The following CACNA2D2 variants were observed in gnomAD, a reference collection of about 807,000 sequenced individuals.
The protein encoded by CACNA2D2 is calcium voltage-gated channel auxiliary subunit alpha2delta 2.
Under a neutral mutation model 166.4 loss-of-function variants are expected in CACNA2D2, and 48 were observed. The observed-to-expected ratio is 0.29, with a 90% CI of 0.23 to 0.37. CACNA2D2 has a LOEUF of 0.37. CACNA2D2 is among the 10% of genes least tolerant of loss of function. The pLI is 1.00. For synonymous variants in CACNA2D2, 561 were observed against 573.7 expected (o/e 0.98, Z 0.32); for missense variants, 1,122 against 1,433.0 (o/e 0.78, Z 3.50).
At chr3:50,484,134 G>A (rs1325290671) in intron 1 of CACNA2D2, among the ~76,000 whole-genome samples, 1 of 152,130 alleles carries the variant, frequency 6.6e-6, no homozygotes, top group Non-Finnish European at 1.5e-5. Flanking sequence ...GCTGATGGCA[G>A]CTCCCTCAGT....
chr3:50,363,121 T>C lies in CACNA2D2; in HGVS notation c.*1545A>G, dbSNP rs1704021929. 1 of 398,770 alleles carries C rather than the reference T, an allele frequency of 2.5e-6. No homozygotes were observed. The highest frequency in any genetic ancestry group is 4.4e-6 in the Non-Finnish European group (1 of 226,054). 24.7% of individuals were successfully genotyped at this position (398,770 alleles called of 1,614,324 possible). A position where few individuals can be genotyped will look rare whatever the true frequency, so the allele number is the denominator to read the frequency against. ...TTCTGTTTTTTAAACTTAAAATATA[T>C]ATTTTTCTGTATATGTTTATATTCT... On this transcript the variant is annotated 3_prime_UTR_variant, in exon 38 of 38. Coordinates refer to ENST00000424201, the MANE Select transcript of CACNA2D2 (RefSeq NM_006030.4).
At chr3:50,373,731 G>C (rs1466384065) in intron 22 of CACNA2D2, among the ~76,000 whole-genome samples, 1 of 139,910 alleles carries the variant, frequency 7.1e-6, no homozygotes, top group Non-Finnish European at 1.6e-5. Flanking sequence ...GAAGAGGAGG[G>C]AGAGAGGGAA....
intron 5 of CACNA2D2, 110 bp downstream of exon 5, chr3:50,387,458 G>A (rs1406800876): frequency 1.5e-5 from 14 of 906,644 alleles, no homozygotes; most frequent in Admixed American, 1.1e-4. Context: ...GTGTCACCAC[G>A]GCTCTGCAGG....
intron 2 of CACNA2D2, among the ~76,000 whole-genome samples, chr3:50,441,214 TC>T (rs1231462590): frequency 4.6e-5 from 7 of 151,958 alleles, no homozygotes; most frequent in Non-Finnish European, 7.4e-5. Flanking sequence ...AGAGGCAACT[TC>T]TAGGAGCTTT....
intron 4 of CACNA2D2, among the ~76,000 whole-genome samples, chr3:50,390,772 G>A (rs1270758017): frequency 1.3e-5 from 2 of 152,200 alleles, no homozygotes; most frequent in Non-Finnish European, 2.9e-5. Flanking sequence ...GCCCAAGAGA[G>A]GTGTGAGGAG....
chr3:50,365,915 A>T lies in CACNA2D2; in HGVS notation c.2863-53T>A. 1 of 1,612,090 alleles carries T rather than the reference A, an allele frequency of 6.2e-7. No homozygotes were observed. The highest frequency in any genetic ancestry group is 8.5e-7 in the Non-Finnish European group (1 of 1,179,518). ...CCACTGCTGCCCCTCGCCCTAGGTC[A>T]CCCCCAGCTTTATCAAATGTCAGAG... On this transcript the variant is annotated intron_variant, in intron 32 of 37. Transcript: ENST00000424201. The surrounding 1 kb of genome is among the most constrained non-coding windows in gnomAD (Gnocchi z 4.5).
In CACNA2D2 at chr3:50,364,710, G is replaced by A. The variant is rs746798469; in HGVS notation, c.3388C>T (p.Arg1130Trp). Residue 1130 changes from arginine to tryptophan, a missense_variant, in exon 38 of 38, where the codon CGG becomes TGG. Coordinates refer to ENST00000424201, the MANE Select transcript of CACNA2D2 (RefSeq NM_006030.4). ...TGGACGAGGACTTGAGGCTGCGGCC[G>A]GGGCGGCAGGCCCAGGAGGAGCAGC... ...QLLLLLGLPP[R>W]PQPQVLVHAS... is the part of the protein sequence containing the mutation. The A allele has an allele frequency of 2.6e-6, 4 of 1,546,588 alleles. No homozygotes were observed. The South Asian group carries it at 4.7e-5, about 18-fold the overall frequency.
At chr3:50,378,223 G>A in intron 14 of CACNA2D2, 61 bp downstream of exon 14, 1 of 1,555,606 alleles carries the variant, frequency 6.4e-7, no homozygotes, top group Non-Finnish European at 8.7e-7. Flanking sequence ...AGCAGCCCAT[G>A]GCACACAGCG....
chr3:50,484,197 C>G (rs1248766765), intron 1 of CACNA2D2, among the ~76,000 whole-genome samples: 1 of 152,174 alleles, frequency 6.6e-6, no homozygotes, highest in East Asian at 1.9e-4. Context: ...ACACCCACAT[C>G]CAATCTATCA....
chr3:50,392,534 C>T (rs1395694546), intron 4 of CACNA2D2, among the ~76,000 whole-genome samples: 2 of 152,206 alleles, frequency 1.3e-5, no homozygotes, highest in Non-Finnish European at 2.9e-5. Context: ...TGGTCACACC[C>T]ACAGCTGGGG....
chr3:50,439,164 G>C (rs1476494795), intron 2 of CACNA2D2, among the ~76,000 whole-genome samples: 10 of 152,150 alleles, frequency 6.6e-5, no homozygotes, highest in Non-Finnish European at 1.5e-4. Context: ...GGGAAAAGAG[G>C]CATAGGGATG....
chr3:50,379,095 C>T lies in CACNA2D2; in HGVS notation c.1257G>A (p.Arg419=), dbSNP rs1265073461. The T allele has an allele frequency of 1.2e-6, 2 of 1,613,626 alleles. No homozygotes were observed. The highest frequency in any genetic ancestry group is 8.5e-7 in the Non-Finnish European group (1 of 1,179,644). Residue 419 remains arginine (R), a synonymous_variant, in exon 12 of 38, where the codon CGG becomes CGA. Coordinates refer to ENST00000424201, the MANE Select transcript of CACNA2D2 (RefSeq NM_006030.4). This position sits in a 1 kb window ranked among gnomAD's most constrained non-coding sequence, Gnocchi z 6.5. ...CCCTGCCTCGGTTGAGCCTCACCGT[C>T]CGGTTTGGCCAATTGTACTTCTCAA... The part of the protein sequence containing the change: ...DVFEKYNWPN[R]TVRVFTFSVG...
At position 50,427,821 on chromosome 3, in the gene CACNA2D2, G is replaced by A. The variant is rs1299845152; in HGVS notation, c.405+6492C>T. On this transcript the variant is annotated intron_variant, in intron 3 of 37. Coordinates refer to ENST00000424201, the MANE Select transcript of CACNA2D2 (RefSeq NM_006030.4). This position sits in a 1 kb window ranked among gnomAD's most constrained non-coding sequence, Gnocchi z 4.7. ...CGTGTTCTGTTCCAGGCCAGGCCTT[G>A]GCAGTAGGCGACATCCATGGCCTGG... 1.3e-5 allele frequency among the ~76,000 whole-genome samples: 2 copies of A among 152,220 alleles called. No homozygotes were observed. The highest frequency in any genetic ancestry group is 4.8e-5 in the African/African-American group (2 of 41,450).
At chr3:50,386,275 G>C (rs1327836813) in intron 5 of CACNA2D2, among the ~76,000 whole-genome samples, 2 of 152,158 alleles carry the variant, frequency 1.3e-5, no homozygotes, top group African/African-American at 4.8e-5. Context: ...GCTGCTGGAG[G>C]TAGGTTCAGA....
chr3:50,414,505 A>G (rs994639929), intron 3 of CACNA2D2, among the ~76,000 whole-genome samples: 3 of 152,094 alleles, frequency 2.0e-5, no homozygotes, highest in African/African-American at 7.3e-5. Flanking sequence ...AACAGAAACC[A>G]AGGGACAGGG....
At chr3:50,387,844 CTG>C (rs1460939465) in intron 4 of CACNA2D2, among the ~76,000 whole-genome samples, 4 of 152,176 alleles carry the variant, frequency 2.6e-5, no homozygotes, top group Non-Finnish European at 5.9e-5. Context: ...TACCCCTCGA[CTG>C]AGAATTCCCT....
At chr3:50,415,041 C>T (rs17050977) in intron 3 of CACNA2D2, among the ~76,000 whole-genome samples, 1 of 152,186 alleles carries the variant, frequency 6.6e-6, no homozygotes, top group Admixed American at 6.5e-5. Flanking sequence ...AAAGGCCTCC[C>T]GGAGAACGCG....
chr3:50,407,556 C>T (rs1475564806), intron 3 of CACNA2D2, among the ~76,000 whole-genome samples: 1 of 152,186 alleles, frequency 6.6e-6, no homozygotes, highest in Admixed American at 6.5e-5. Flanking sequence ...ACTGGGCAGA[C>T]AGTGACCAGC....
chr3:50,422,076 C>G (rs1270161917), intron 3 of CACNA2D2, among the ~76,000 whole-genome samples: 4 of 152,162 alleles, frequency 2.6e-5, no homozygotes, highest in Non-Finnish European at 4.4e-5. Context: ...ACCCTCCATC[C>G]TCTTTAGCAC....
Sources: allele counts gnomAD v4.1 joint callset (sites outside exome capture counted in the v4.1 genomes callset), GRCh38; gene constraint gnomAD v4.1.1; non-coding constraint Gnocchi (gnomAD v3.1); transcripts MANE v1.5; gene names NCBI Gene and HGNC (gene_info 2026-07-23, HGNC 2026-07-21).